Variants in CUZD1 observed in about 807,000 individuals in gnomAD.
The protein encoded by CUZD1 is CUB and zona pellucida like domains 1, also known as CUB and zona pellucida-like domain-containing protein 1.
In CUZD1, 42 loss-of-function variants were observed where a neutral mutation model predicts 53.1. The observed-to-expected ratio is 0.79, with a 90% CI of 0.62 to 1.02. The LOEUF is 1.02. CUZD1 is among the 50% of genes least tolerant of loss of function. CUZD1 has a pLI of 0.00. For synonymous variants in CUZD1, 238 were observed against 257.2 expected (o/e 0.93, Z 0.71); for missense variants, 670 against 715.7 (o/e 0.94, Z 0.73).
intron 4 of CUZD1, 39 bp from the exon 5 acceptor site, chr10:122,837,087 C>T: frequency 7.2e-7 from 1 of 1,397,996 alleles, no homozygotes. Context: ...GAGTTTCAAA[C>T]CAATTCAATT....
chr10:122,837,783 G>C (rs1393438243), intron 3 of CUZD1: 1 of 418,006 alleles, frequency 2.4e-6, no homozygotes, highest in African/African-American at 2.1e-5. Flanking sequence ...TCATATTAAA[G>C]TTGTGCTGTA....
chr10:122,843,223 T>C (rs1847371514), intron 1 of CUZD1, among the ~76,000 whole-genome samples: 1 of 152,198 alleles, frequency 6.6e-6, no homozygotes, highest in Non-Finnish European at 1.5e-5. Flanking sequence ...AAATAAAACA[T>C]GGTCTATCCA....
intron 1 of CUZD1, among the ~76,000 whole-genome samples, chr10:122,843,271 G>A (rs902222064): frequency 6.6e-5 from 10 of 152,034 alleles, no homozygotes; most frequent in African/African-American, 2.4e-4. Flanking sequence ...AAGAAATGAG[G>A]TACAGTCATC....
Position 122,839,123 on chromosome 10 carries a change from A to T in CUZD1, c.342T>A (p.Pro114=). Reference sequence around the variant, plus strand: ...ATGTACTGGATGATGATTCAAATACAGGAACATAGTCGTTTTTACTGCAGA... The same window carrying T: ...ATGTACTGGATGATGATTCAAATACTGGAACATAGTCGTTTTTACTGCAGA... ...GQVCSKNDYV[P]VFESSSSTLT... The change falls in exon 3 of 9, where the codon CCT becomes CCA. Residue 114 remains proline, a synonymous_variant. Transcript: ENST00000392790. 1 of 1,614,154 alleles carries T rather than the reference A, an allele frequency of 6.2e-7. No homozygotes were observed. The highest frequency in any genetic ancestry group is 1.1e-5 in the South Asian group (1 of 91,088).
At chr10:122,836,783 C>T (rs1847258272) in intron 5 of CUZD1, 48 bp downstream of exon 5, 1 of 1,442,104 alleles carries the variant, frequency 6.9e-7, no homozygotes, top group African/African-American at 1.4e-5. Flanking sequence ...TCTACATATG[C>T]AATCTTCGAA....
At chr10:122,839,298 T>TTGAC in intron 2 of CUZD1, 67 bp from the exon 3 acceptor site, 6 of 1,363,884 alleles carry the variant, frequency 4.4e-6, no homozygotes, top group Non-Finnish European at 6.3e-6. Flanking sequence ...GAGCAGTCAA[T>TTGAC]TGCTCACCTA....
chr10:122,841,696 G>T (rs780374291), intron 1 of CUZD1, among the ~76,000 whole-genome samples: 82 of 152,174 alleles, frequency 5.4e-4, no homozygotes, highest in Non-Finnish European at 1.0e-3. Context: ...CAAACCATTT[G>T]CCAGAGTAGC....
chr10:122,833,158 T>C (rs901163566), intron 8 of CUZD1, among the ~76,000 whole-genome samples: 8 of 152,226 alleles, frequency 5.3e-5, no homozygotes, highest in Non-Finnish European at 8.8e-5. Context: ...CTTGAGTATT[T>C]ACCATCATTC....
intron 1 of CUZD1, among the ~76,000 whole-genome samples, chr10:122,844,224 C>A (rs1468426342): frequency 1.3e-5 from 2 of 151,636 alleles, no homozygotes; most frequent in Non-Finnish European, 2.9e-5. Context: ...TTTGTAGAGT[C>A]GAGGTCTCAC....
At position 122,833,835 on chromosome 10, in the gene CUZD1, C is replaced by G; in HGVS notation, c.1488G>C (p.Leu496=). ...KFLRSMSSVY[L]QCKVLICDSS... is the part of the protein sequence containing the mutation. ...TATCACATATCAAAACTTTACACTG[C>G]AGATACACAGAGCTCATACTTCTCA... Residue 496 remains leucine, a synonymous_variant, in exon 8 of 9, where the codon CTG becomes CTC. Transcript: ENST00000392790. The G allele has an allele frequency of 3.1e-6, 5 of 1,614,036 alleles. No individual in the cohort carries two copies. Among genetic ancestry groups the G allele is most frequent in the Non-Finnish European group, 4.2e-6 (5 of 1,179,982 alleles).
chr10:122,836,633 T>C (rs1847255766), intron 5 of CUZD1, among the ~76,000 whole-genome samples, 198 bp downstream of exon 5: 1 of 152,182 alleles, frequency 6.6e-6, no homozygotes, highest in African/African-American at 2.4e-5. Context: ...CTTTTTCAGG[T>C]TAATAAAATC....
rs775893228 is a variant in CUZD1, at chr10:122,836,907, CA to C, written c.740del (p.Leu247CysfsTer29). 3.7e-6 allele frequency: 6 copies of C among 1,613,974 alleles called. No individual in the cohort carries two copies. The highest frequency in any genetic ancestry group is 5.1e-6 in the Non-Finnish European group (6 of 1,180,004). ...GGTAAGAATTGGCATAATCTGTAGACAACACGACAGTCAGAGAGTTTGATGA... is the reference window on the plus strand; with the variant it reads ...GGTAAGAATTGGCATAATCTGTAGACACACGACAGTCAGAGAGTTTGATGA... ...ESSSNSLTVV[L>X]STDYANSYRG... On this transcript the variant is annotated frameshift_variant, in exon 5 of 9. Transcript: ENST00000392790. LOFTEE classifies it high-confidence loss of function.
intron 3 of CUZD1, 144 bp from the exon 4 acceptor site, chr10:122,837,698 A>G: frequency 4.1e-6 from 3 of 731,654 alleles, no homozygotes; most frequent in Non-Finnish European, 6.2e-6. Flanking sequence ...TGAGGTTTTC[A>G]TCCTTTTTTA....
chr10:122,834,534 A>G (rs1218721558), intron 7 of CUZD1, among the ~76,000 whole-genome samples, 172 bp downstream of exon 7: 1 of 152,240 alleles, frequency 6.6e-6, no homozygotes, highest in Non-Finnish European at 1.5e-5. Context: ...AATTTAAATT[A>G]TTCATAATTA....
chr10:122,836,940 G>A lies in CUZD1; in HGVS notation c.708C>T (p.Phe236=), dbSNP rs768812676. Residue 236 remains phenylalanine, a synonymous_variant, in exon 5 of 9, where the codon TTC becomes TTT. Coordinates refer to ENST00000392790, the MANE Select transcript of CUZD1 (RefSeq NM_022034.6). Reference sequence around the variant, plus strand: ...CAGTCAGAGAGTTTGATGACGATTCGAAGGTGGGAGTCACACGGCCACAGA... The same window carrying A: ...CAGTCAGAGAGTTTGATGACGATTCAAAGGTGGGAGTCACACGGCCACAGA... The part of the protein sequence containing the change: ...GQVCGRVTPT[F]ESSSNSLTVV... 1.1e-5 allele frequency: 18 copies of A among 1,613,926 alleles called. No homozygotes were observed. The highest frequency in any genetic ancestry group is 2.2e-5 in the South Asian group (2 of 91,076).
At chr10:122,837,317 C>A in intron 4 of CUZD1, 87 bp downstream of exon 4, 1 of 1,368,362 alleles carries the variant, frequency 7.3e-7, no homozygotes, top group Non-Finnish European at 1.0e-6. Flanking sequence ...ATGAGAATTA[C>A]GTATGATAAT....
rs1847272299 is a variant in CUZD1 at position 122,837,508 on chromosome 10, G to A, written c.495C>T (p.Phe165=). 6.2e-7 allele frequency: 1 copy of A among 1,608,234 alleles called. No homozygotes were observed. Among genetic ancestry groups the A allele is most frequent in the Non-Finnish European group, 8.5e-7 (1 of 1,177,316 alleles). ...GGYLDTLEGS[F]TSPNYPKPHP... is the part of the protein sequence containing the mutation. ...GCGGCTTTGGGTAATTGGGGCTGGT[G>A]AAGGATCCTTCCAAGGTATCCAGGT... is the stretch of plus-strand genomic sequence containing the variant. Residue 165 remains phenylalanine, a synonymous_variant, in exon 4 of 9, where the codon TTC becomes TTT. Transcript: ENST00000392790.
intron 4 of CUZD1, 116 bp downstream of exon 4, chr10:122,837,288 C>A: frequency 9.1e-7 from 1 of 1,102,180 alleles, no homozygotes; most frequent in Non-Finnish European, 1.3e-6. Flanking sequence ...TACATCAATT[C>A]TTTGAAAAGT....
At chr10:122,841,079 C>G in intron 2 of CUZD1, 99 bp downstream of exon 2, 5 of 1,151,672 alleles carry the variant, frequency 4.3e-6, no homozygotes, top group Non-Finnish European at 6.2e-6. Context: ...ACTACCACCT[C>G]TAGCAGCAGC....
Sources: allele counts gnomAD v4.1 joint callset (sites outside exome capture counted in the v4.1 genomes callset), GRCh38; gene constraint gnomAD v4.1.1; transcripts MANE v1.5; gene names NCBI Gene and HGNC (gene_info 2026-07-23, HGNC 2026-07-21).